MYO5B: variants seen among roughly 807,000 people sequenced by gnomAD.
MYO5B encodes the protein myosin VB, also known as unconventional myosin-Vb.
Under a neutral mutation model 229.3 loss-of-function variants are expected in MYO5B, and 143 were observed. The observed-to-expected ratio is 0.62, with a 90% CI of 0.54 to 0.72. The LOEUF (loss-of-function observed/expected upper bound fraction) is 0.72, where lower values mean the gene tolerates loss of function less well. MYO5B is among the 30% of genes least tolerant of loss of function. The probability of loss-of-function intolerance (pLI) is 0.00; values close to 1 mark genes in which losing one functional copy is unlikely to be tolerated. For missense variants in MYO5B, 2,321 were observed against 2,331.0 expected (o/e 1.00, Z 0.09); for synonymous variants, 918 against 885.2 (o/e 1.04, Z -0.66).
intron 39 of MYO5B, among the ~76,000 whole-genome samples, chr18:49,832,833 T>C (rs1457540299): frequency 1.3e-5 from 2 of 152,206 alleles, no homozygotes; most frequent in Admixed American, 1.3e-4. Flanking sequence ...AATAAGCAAC[T>C]AGCCTCACTA....
At chr18:50,046,534 GGGTTT>G (rs1306648673) in intron 2 of MYO5B, among the ~76,000 whole-genome samples, 1 of 152,086 alleles carries the variant, frequency 6.6e-6, no homozygotes, top group Non-Finnish European at 1.5e-5. Context: ...ATGGATGCAG[GGGTTT>G]TCTCATTTGT....
intron 1 of MYO5B, among the ~76,000 whole-genome samples, chr18:50,082,733 A>G (rs2031248330): frequency 6.6e-6 from 1 of 152,224 alleles, no homozygotes. Flanking sequence ...CAGTTAAAAA[A>G]TGAATGGTAC....
intron 4 of MYO5B, among the ~76,000 whole-genome samples, chr18:50,033,458 G>C (rs570410288): frequency 6.6e-6 from 1 of 152,254 alleles, no homozygotes; most frequent in East Asian, 1.9e-4. Flanking sequence ...GCCTACGTAC[G>C]TCTTTTCTCT....
intron 1 of MYO5B, among the ~76,000 whole-genome samples, chr18:50,148,909 T>A: frequency 6.6e-6 from 1 of 152,340 alleles, no homozygotes; most frequent in East Asian, 1.9e-4. Context: ...TGTTTGCAGA[T>A]GAAATGATTG....
chr18:49,990,988 G>A (rs941655450), intron 6 of MYO5B, among the ~76,000 whole-genome samples: 8 of 151,194 alleles, frequency 5.3e-5, no homozygotes, highest in East Asian at 4.0e-4. Context: ...GAGGCAGGAT[G>A]TCTGGGGAAC....
At chr18:49,916,682 G>A (rs150863706) in intron 17 of MYO5B, among the ~76,000 whole-genome samples, 22 of 152,214 alleles carry the variant, frequency 1.4e-4, no homozygotes, top group Non-Finnish European at 2.2e-4. Context: ...CACCACCATC[G>A]CTTCGTGGCC....
intron 4 of MYO5B, among the ~76,000 whole-genome samples, chr18:50,020,749 AT>A (rs2026265033): frequency 6.6e-6 from 1 of 152,228 alleles, no homozygotes; most frequent in East Asian, 1.9e-4. Flanking sequence ...CCCAAGTCAC[AT>A]TTGAGAGGTG....
intron 13 of MYO5B, 79 bp downstream of exon 13, chr18:49,954,234 T>C: frequency 6.3e-7 from 1 of 1,587,588 alleles, no homozygotes; most frequent in South Asian, 1.1e-5. Flanking sequence ...GGGACAGATT[T>C]CTCTCTAGGT....
chr18:50,096,723 C>T (rs535558407), intron 1 of MYO5B, among the ~76,000 whole-genome samples: 1 of 152,154 alleles, frequency 6.6e-6, no homozygotes, highest in African/African-American at 2.4e-5. Flanking sequence ...AATACATACT[C>T]TTAAAAAATC....
At chr18:49,911,119 A>G (rs1185899095) in intron 18 of MYO5B, among the ~76,000 whole-genome samples, 4 of 152,242 alleles carry the variant, frequency 2.6e-5, no homozygotes, top group African/African-American at 4.8e-5. Flanking sequence ...AGCTAGATGC[A>G]GCAGCTACCT....
chr18:49,964,125 TA>T (rs1307868914), intron 10 of MYO5B, among the ~76,000 whole-genome samples: 1 of 152,216 alleles, frequency 6.6e-6, no homozygotes, highest in Non-Finnish European at 1.5e-5. Context: ...GATGCTAACC[TA>T]AAGAAATTAC....
chr18:49,866,388 G>T (rs79177463), intron 27 of MYO5B, among the ~76,000 whole-genome samples: 1,855 of 152,148 alleles, frequency 0.012, 30 homozygotes, highest in African/African-American at 0.04. Flanking sequence ...CTATTTTTAC[G>T]TGCACAGTTC....
At chr18:49,903,688 A>G (rs1439829129) in intron 20 of MYO5B, among the ~76,000 whole-genome samples, 1 of 152,212 alleles carries the variant, frequency 6.6e-6, no homozygotes, top group East Asian at 1.9e-4. Context: ...ATCATAGAAG[A>G]GACAGATGTT....
In MYO5B at chr18:49,853,523, G is replaced by A; in HGVS notation, c.4147C>T (p.Leu1383=). The change falls in exon 31 of 40, where the codon CTA becomes TTA. Residue 1383 remains leucine (L), a synonymous_variant. Coordinates refer to ENST00000285039, the MANE Select transcript of MYO5B (RefSeq NM_001080467.3). ...ACCTGGGCCTCTGGGGAGAGCAGTAGCGTCTGGCAGAAGGTCTGCTGCTGT... is the reference window on the plus strand; with the variant it reads ...ACCTGGGCCTCTGGGGAGAGCAGTAACGTCTGGCAGAAGGTCTGCTGCTGT... ...DKQQQTFCQT[L]LLSPEAQVEF... 1 of 1,614,212 alleles carries A rather than the reference G, an allele frequency of 6.2e-7. No individual in the cohort carries two copies. Among genetic ancestry groups the A allele is most frequent in the Non-Finnish European group, 8.5e-7 (1 of 1,180,032 alleles).
At chr18:49,843,056 G>C (rs927522807) in intron 34 of MYO5B, among the ~76,000 whole-genome samples, 185 bp downstream of exon 34, 1 of 152,246 alleles carries the variant, frequency 6.6e-6, no homozygotes, top group Non-Finnish European at 1.5e-5. Flanking sequence ...TGCTGGGCCT[G>C]AGCATCCTTC....
intron 1 of MYO5B, among the ~76,000 whole-genome samples, chr18:50,156,446 T>C (rs2032680516): frequency 6.6e-6 from 1 of 152,232 alleles, no homozygotes; most frequent in Admixed American, 6.5e-5. Flanking sequence ...GATGGTTTTA[T>C]AAGAGGCTTT....
chr18:50,035,231 T>C (rs2026435690), intron 4 of MYO5B, among the ~76,000 whole-genome samples: 1 of 152,054 alleles, frequency 6.6e-6, no homozygotes, highest in Non-Finnish European at 1.5e-5. Context: ...ACAAGCAGCT[T>C]TGATGAAGAA....
intron 1 of MYO5B, among the ~76,000 whole-genome samples, chr18:50,190,214 G>T (rs1013578827): frequency 1.3e-5 from 2 of 152,214 alleles, no homozygotes; most frequent in Non-Finnish European, 2.9e-5. Flanking sequence ...TATTCAGCCT[G>T]AGAAGGAGAG....
intron 1 of MYO5B, among the ~76,000 whole-genome samples, chr18:50,176,630 G>A (rs1430284369): frequency 6.6e-6 from 1 of 152,158 alleles, no homozygotes; most frequent in Non-Finnish European, 1.5e-5. Context: ...CTTCTTGATG[G>A]TCAAAGAGCC....
Sources: allele counts gnomAD v4.1 joint callset (sites outside exome capture counted in the v4.1 genomes callset), GRCh38; gene constraint gnomAD v4.1.1; transcripts MANE v1.5; gene names NCBI Gene and HGNC (gene_info 2026-07-23, HGNC 2026-07-21).